Variants in GRAP2 observed in about 807,000 individuals in gnomAD.
The protein encoded by GRAP2 is GRB2 related adaptor protein 2, also known as GRB2-related adapter protein 2.
Under a neutral mutation model 43.5 loss-of-function variants are expected in GRAP2, and 31 were observed. The ratio of observed to expected loss-of-function variants is 0.71; its 90% CI spans 0.54 to 0.96. The LOEUF (loss-of-function observed/expected upper bound fraction) is 0.96, where lower values mean the gene tolerates loss of function less well. GRAP2 is among the 40% of genes least tolerant of loss of function. GRAP2 has a pLI of 0.00. For missense variants in GRAP2, 371 were observed against 424.4 expected, an observed-to-expected ratio of 0.87 and a Z score of 1.11; for synonymous variants, 156 against 164.8, an observed-to-expected ratio of 0.95 and a Z score of 0.41.
At chr22:39,921,693 A>C (rs2066654085) in intron 1 of GRAP2, among the ~76,000 whole-genome samples, 1 of 152,232 alleles carries the variant, frequency 6.6e-6, no homozygotes, top group Non-Finnish European at 1.5e-5. Context: ...CCATCTCCAG[A>C]TGTAGTACAC....
At chr22:39,965,892 C>T in intron 4 of GRAP2, 98 bp from the exon 5 acceptor site, 1 of 1,014,426 alleles carries the variant, frequency 9.9e-7, no homozygotes, top group South Asian at 1.3e-5. Context: ...TCTACATCTC[C>T]TGCTCAAAGA....
rs6001712 is a variant in GRAP2 at position 39,965,933 on chromosome 22, G to A, written c.291-57G>A. 2.3e-5 allele frequency: 32 copies of A among 1,367,754 alleles called. No individual in the cohort carries two copies. The African/African-American group carries it at 4.1e-4, about 18-fold the overall frequency. 84.7% of individuals were successfully genotyped at this position (1,367,754 alleles called of 1,614,324 possible). A position where few individuals can be genotyped will look rare whatever the true frequency, so the allele number is the denominator to read the frequency against. ...CCACCATCCCAGATGTGAGCAGCCT[G>A]GAGGTGGTGACATTATCACCGTGTA... is the stretch of plus-strand genomic sequence containing the variant. On this transcript the variant is annotated intron_variant, in intron 4 of 7. Transcript: ENST00000344138.
chr22:39,929,026 A>G (rs1300067845), intron 1 of GRAP2, among the ~76,000 whole-genome samples: 2 of 152,270 alleles, frequency 1.3e-5, no homozygotes, highest in Admixed American at 6.5e-5. Context: ...CTGAACACAC[A>G]TAAAGCTCTT....
chr22:39,943,377 G>T (rs1442620706), intron 1 of GRAP2, among the ~76,000 whole-genome samples: 2 of 152,144 alleles, frequency 1.3e-5, no homozygotes. Flanking sequence ...TCATGTTCAG[G>T]GCAGTCCTGT....
intron 1 of GRAP2, among the ~76,000 whole-genome samples, chr22:39,939,770 G>A (rs1015869789): frequency 2.0e-5 from 3 of 152,100 alleles, no homozygotes; most frequent in South Asian, 2.1e-4. Context: ...TTAGCGGACC[G>A]TGGTGGGCTG....
At chr22:39,921,048 T>C (rs141980046) in intron 1 of GRAP2, among the ~76,000 whole-genome samples, 1 of 152,260 alleles carries the variant, frequency 6.6e-6, no homozygotes, top group African/African-American at 2.4e-5. Context: ...ATCGTTTGTA[T>C]ATTCAAGGAT....
Position 39,972,038 on chromosome 22 carries a change from G to C in GRAP2, c.*954G>C, listed in dbSNP as rs1371936170. On this transcript the variant is annotated 3_prime_UTR_variant, in exon 8 of 8. Transcript: ENST00000344138. ...ATGGAAAGAAGCCCACTTGATGATA[G>C]GAGCCTGACTATGAATTGATTGACT... The C allele has an allele frequency of 5.3e-5, 8 of 152,268 alleles. No individual in the cohort carries two copies. The highest frequency in any genetic ancestry group is 1.0e-4 in the Non-Finnish European group (7 of 68,064). 9.4% of individuals were successfully genotyped at this position (152,268 alleles called of 1,614,324 possible).
upstream of GRAP2, among the ~76,000 whole-genome samples, chr22:39,898,804 C>T (rs1369440835): frequency 6.6e-6 from 1 of 152,102 alleles, no homozygotes; most frequent in African/African-American, 2.4e-5. Context: ...CCGAGCGAGA[C>T]TCAGTCTCCA....
chr22:39,899,314 A>G (rs557417197), upstream of GRAP2, among the ~76,000 whole-genome samples: 8 of 152,350 alleles, frequency 5.3e-5, no homozygotes, highest in African/African-American at 1.7e-4. Context: ...TGAAAACACC[A>G]TGATACTTTC....
At chr22:39,904,176 G>A (rs1246174506) in intron 1 of GRAP2, among the ~76,000 whole-genome samples, 4 of 152,148 alleles carry the variant, frequency 2.6e-5, no homozygotes, top group East Asian at 3.8e-4. Context: ...ATCATCTGAG[G>A]TCAGGAGTTG....
At chr22:39,934,623 A>G (rs1359636703) in intron 1 of GRAP2, among the ~76,000 whole-genome samples, 1 of 152,232 alleles carries the variant, frequency 6.6e-6, no homozygotes, top group Non-Finnish European at 1.5e-5. Context: ...TTTGGTTTCA[A>G]GAAACCCGTT....
At chr22:39,964,717 A>G in intron 4 of GRAP2, 1 of 255,606 alleles carries the variant, frequency 3.9e-6, no homozygotes, top group Non-Finnish European at 7.4e-6. Flanking sequence ...AACTTTTGTA[A>G]AAAAAAAAAA....
intron 4 of GRAP2, chr22:39,964,856 C>A: frequency 3.4e-6 from 1 of 292,520 alleles, no homozygotes; most frequent in Non-Finnish European, 6.3e-6. Context: ...GTTGTTCTAC[C>A]CTAAACTTTG....
chr22:39,958,151 C>T (rs2145659463), intron 3 of GRAP2, among the ~76,000 whole-genome samples: 1 of 152,196 alleles, frequency 6.6e-6, no homozygotes, highest in Non-Finnish European at 1.5e-5. Flanking sequence ...CCCACTGGAA[C>T]ACCTCTTTCA....
At chr22:39,896,820 C>T (rs891948308), upstream of GRAP2, among the ~76,000 whole-genome samples, 8 of 152,284 alleles carry the variant, frequency 5.3e-5, no homozygotes, top group African/African-American at 1.4e-4. Context: ...ACCGTAACAT[C>T]CACTAAATAC....
At chr22:39,918,296 A>G (rs1171529539) in intron 1 of GRAP2, among the ~76,000 whole-genome samples, 2 of 152,190 alleles carry the variant, frequency 1.3e-5, no homozygotes, top group Admixed American at 1.3e-4. Flanking sequence ...CTGTTATGAA[A>G]TCGCAGACGA....
At chr22:39,962,948 C>T (rs1011897537) in intron 4 of GRAP2, among the ~76,000 whole-genome samples, 3 of 152,044 alleles carry the variant, frequency 2.0e-5, no homozygotes, top group Non-Finnish European at 2.9e-5. Flanking sequence ...GGATTACAGG[C>T]GCGACCCACT....
chr22:39,944,433 C>G (rs186045157), intron 1 of GRAP2, among the ~76,000 whole-genome samples: 11 of 152,224 alleles, frequency 7.2e-5, no homozygotes, highest in African/African-American at 2.6e-4. Flanking sequence ...GAACATACCC[C>G]ACCCCACCCT....
chr22:39,940,883 C>T (rs2066862348), intron 1 of GRAP2, among the ~76,000 whole-genome samples: 1 of 152,120 alleles, frequency 6.6e-6, no homozygotes, highest in Non-Finnish European at 1.5e-5. Context: ...AAGACAATCA[C>T]CGAACCTGTC....
Sources: allele counts gnomAD v4.1 joint callset (sites outside exome capture counted in the v4.1 genomes callset), GRCh38; gene constraint gnomAD v4.1.1; transcripts MANE v1.5; gene names NCBI Gene and HGNC (gene_info 2026-07-23, HGNC 2026-07-21).